Variants in MPP2 observed in about 807,000 individuals in gnomAD.
The protein encoded by MPP2 is MAGUK p55 subfamily member 2.
A neutral mutation model predicts 58.5 loss-of-function variants in MPP2; 42 were observed. The ratio of observed to expected loss-of-function variants is 0.72; its 90% confidence interval spans 0.56 to 0.93. The LOEUF (loss-of-function observed/expected upper bound fraction) is 0.93. Ranked by LOEUF, MPP2 falls within the 40% of genes least tolerant of loss-of-function variation. The probability of loss-of-function intolerance (pLI) is 0.00; values close to 1 mark genes in which losing one functional copy is unlikely to be tolerated. For synonymous variants in MPP2, 300 were observed against 307.8 expected (o/e 0.97, Z 0.26); for missense variants, 632 against 760.4 (o/e 0.83, Z 1.99).
chr17:43,901,458 G>A (rs2048093751), intron 2 of MPP2: 1 of 985,398 alleles, frequency 1.0e-6, no homozygotes, highest in Admixed American at 6.1e-5. Flanking sequence ...GAAGGACTCA[G>A]CTCCGCTCCG....
chr17:43,880,193 A>G lies in MPP2; in HGVS notation c.1151-209T>C, dbSNP rs1380857153. On this transcript the variant is annotated intron_variant, in intron 10 of 12. Transcript: ENST00000269095. This position sits in a 1 kb window ranked among gnomAD's most constrained non-coding sequence, Gnocchi z 5.2. ...AGACATGAGCTGGTAATCATGGTCC[A>G]GCCCAGAGCCCACAGAAGAGAGGCT... 6.6e-6 allele frequency among the ~76,000 whole-genome samples: 1 copy of G among 152,108 alleles called. No individual in the cohort carries two copies. The highest frequency in any genetic ancestry group is 1.5e-5 in the Non-Finnish European group (1 of 68,020).
chr17:43,898,985 C>T (rs1246275876), intron 2 of MPP2, among the ~76,000 whole-genome samples: 1 of 151,092 alleles, frequency 6.6e-6, no homozygotes, highest in South Asian at 2.1e-4. Context: ...GTGGCTCACG[C>T]CTGTAATCCC....
At chr17:43,882,194 G>A (rs899362652) in intron 6 of MPP2, 90 bp downstream of exon 6, 2 of 1,248,698 alleles carry the variant, frequency 1.6e-6, no homozygotes, top group African/African-American at 1.5e-5. Flanking sequence ...GAGGAAACCA[G>A]TAGGAGAGGA....
At chr17:43,892,085 A>T (rs904872541) in intron 3 of MPP2, among the ~76,000 whole-genome samples, 3 of 152,210 alleles carry the variant, frequency 2.0e-5, no homozygotes, top group African/African-American at 4.8e-5. Flanking sequence ...TGTGCAGCCA[A>T]CCGCCTGGAC....
chr17:43,909,313 ACCT>A (rs558481606), upstream of MPP2, among the ~76,000 whole-genome samples: 176 of 152,050 alleles, frequency 1.2e-3, 2 homozygotes, highest in African/African-American at 4.1e-3. Context: ...TGATCTGCCC[ACCT>A]CAGCCTCCCA....
chr17:43,896,922 C>A (rs183791477), intron 3 of MPP2, among the ~76,000 whole-genome samples: 33 of 152,210 alleles, frequency 2.2e-4, no homozygotes, highest in African/African-American at 7.5e-4. Context: ...CCCACCTCCC[C>A]CCCTCAGGAG....
intron 3 of MPP2, among the ~76,000 whole-genome samples, chr17:43,888,810 A>G (rs1340858681): frequency 6.6e-6 from 1 of 152,124 alleles, no homozygotes; most frequent in East Asian, 1.9e-4. Context: ...CCACCCCTGG[A>G]CGTTTTATAC....
intron 2 of MPP2, among the ~76,000 whole-genome samples, chr17:43,902,875 G>A (rs1026386794): frequency 1.3e-5 from 2 of 152,192 alleles, no homozygotes; most frequent in Non-Finnish European, 2.9e-5. Flanking sequence ...GGGGTCCTGC[G>A]TGCACTACGG....
intron 1 of MPP2, 168 bp downstream of exon 1, chr17:43,907,306 G>C (rs901706023): frequency 2.0e-6 from 2 of 977,230 alleles, no homozygotes; most frequent in Non-Finnish European, 2.4e-6. Flanking sequence ...CAGCACCCCA[G>C]AAAGAGGGCC....
rs1167468108 is a variant in MPP2, at chr17:43,879,582, G to T, written c.1354-179C>A. ...GACAAACAGCTGGCAGGTGGCTGGG[G>T]TGACTGGAGGAGACTAGAGGAGGAG... On this transcript the variant is annotated intron_variant, in intron 11 of 12. Coordinates refer to ENST00000269095, the MANE Select transcript of MPP2 (RefSeq NM_005374.5). The surrounding 1 kb of genome is among the most constrained non-coding windows in gnomAD (Gnocchi z 4.1). Among the ~76,000 whole-genome samples the T allele has an allele frequency of 6.6e-6, 1 of 152,140 alleles. No homozygotes were observed. The highest frequency in any genetic ancestry group is 2.4e-5 in the African/African-American group (1 of 41,400).
At position 43,906,038 on chromosome 17, in the gene MPP2, G is replaced by C. The variant is rs1176222960; in HGVS notation, c.-34+1436C>G. The C allele has an allele frequency of 3.2e-6, 3 of 927,804 alleles. No individual in the cohort carries two copies. The African/African-American group carries it at 5.4e-5, about 17-fold the overall frequency. 57.5% of individuals were successfully genotyped at this position (927,804 alleles called of 1,614,324 possible). A position where few individuals can be genotyped will look rare whatever the true frequency, so the allele number is the denominator to read the frequency against. Reference sequence around the variant, plus strand: ...GCCAATCTCTACTCCTAGAGAGCAGGGAGGAGGGATCCCTTCCCTCCCCCT... The same window carrying C: ...GCCAATCTCTACTCCTAGAGAGCAGCGAGGAGGGATCCCTTCCCTCCCCCT... On this transcript the variant is annotated intron_variant, in intron 1 of 12. Coordinates refer to ENST00000269095, the MANE Select transcript of MPP2 (RefSeq NM_005374.5).
chr17:43,886,277 TATTA>T (rs1284019031), intron 3 of MPP2, among the ~76,000 whole-genome samples: 8 of 151,978 alleles, frequency 5.3e-5, no homozygotes, highest in African/African-American at 1.9e-4. Flanking sequence ...GATCTTCCTT[TATTA>T]ATTATTATTG....
chr17:43,889,805 G>GTTTTTTTTTTT (rs869131021), intron 3 of MPP2, among the ~76,000 whole-genome samples: 7 of 37,912 alleles, frequency 1.8e-4, no homozygotes, highest in African/African-American at 4.8e-4. Context: ...GTCCAAATGC[G>GTTTTTTTTTTT]TTTTTTTTTT....
intron 2 of MPP2, among the ~76,000 whole-genome samples, chr17:43,902,741 G>C (rs1157813819): frequency 1.3e-5 from 2 of 152,164 alleles, no homozygotes; most frequent in African/African-American, 2.4e-5. Context: ...TAGAGCAAGG[G>C]AAGGAGCTGC....
intron 3 of MPP2, among the ~76,000 whole-genome samples, chr17:43,895,485 G>A (rs149779300): frequency 3.3e-5 from 5 of 152,138 alleles, no homozygotes; most frequent in African/African-American, 1.2e-4. Flanking sequence ...TTGGAGATGG[G>A]TACTCAGGAG....
chr17:43,889,072 C>T (rs1018454942), intron 3 of MPP2, among the ~76,000 whole-genome samples: 3 of 151,792 alleles, frequency 2.0e-5, no homozygotes, highest in African/African-American at 4.8e-5. Flanking sequence ...ACTACAGGCA[C>T]GCGCCACCAC....
At chr17:43,902,696 G>T (rs947464223) in intron 2 of MPP2, among the ~76,000 whole-genome samples, 1 of 152,168 alleles carries the variant, frequency 6.6e-6, no homozygotes, top group African/African-American at 2.4e-5. Flanking sequence ...CAAAGTGGCA[G>T]CCCTGGAACC....
chr17:43,886,543 TC>T (rs931832348), intron 3 of MPP2, among the ~76,000 whole-genome samples: 2 of 152,236 alleles, frequency 1.3e-5, no homozygotes, highest in Non-Finnish European at 2.9e-5. Flanking sequence ...AGTAAATGAC[TC>T]CGGCATAGTA....
At position 43,906,903 on chromosome 17, in the gene MPP2, G is replaced by A. The variant is rs377705140; in HGVS notation, c.-34+571C>T. 2.3e-4 allele frequency among the ~76,000 whole-genome samples: 32 copies of A among 136,510 alleles called. No homozygotes were observed. In the East Asian group the frequency reaches 4.6e-3, roughly 20 times the overall value. 89.6% of individuals were successfully genotyped at this position (136,510 alleles called of 152,430 possible). On this transcript the variant is annotated intron_variant, in intron 1 of 12. Coordinates refer to ENST00000269095, the MANE Select transcript of MPP2 (RefSeq NM_005374.5). ...CCTAACTTTCTAACCCTAGCTCTTC[G>A]CTTCTGGCACCGGTCCCCTCCCAAG... is the stretch of plus-strand genomic sequence containing the variant.
Sources: gnomAD v4.1 joint callset for allele counts (sites outside exome capture counted in the v4.1 genomes callset) on GRCh38, gnomAD v4.1.1 for gene constraint, Gnocchi (gnomAD v3.1) non-coding constraint, MANE v1.5 for transcripts, NCBI Gene and HGNC (gene_info 2026-07-23, HGNC 2026-07-21) for gene names.